PLD5: variants seen among roughly 807,000 people sequenced by gnomAD.
PLD5 encodes the protein inactive phospholipase D5.
In PLD5, 36 loss-of-function variants were observed where a neutral mutation model predicts 61.1. The observed-to-expected ratio is 0.59, with a 90% confidence interval of 0.45 to 0.78. The LOEUF is 0.78. Ranked by LOEUF, PLD5 falls within the 30% of genes least tolerant of loss-of-function variation. The pLI is 0.00. For missense variants in PLD5, 515 were observed against 644.4 expected (o/e 0.80, Z 2.17); for synonymous variants, 243 against 242.8 (o/e 1.00, Z -0.01).
intron 4 of PLD5, among the ~76,000 whole-genome samples, chr1:242,238,514 T>C (rs1198410852): frequency 6.6e-6 from 1 of 152,202 alleles, no homozygotes; most frequent in Non-Finnish European, 1.5e-5. Context: ...GGAGAGTCAT[T>C]CAAGACATGC....
intron 2 of PLD5, among the ~76,000 whole-genome samples, chr1:242,295,116 C>G (rs1395556134): frequency 2.6e-5 from 4 of 152,044 alleles, no homozygotes; most frequent in Non-Finnish European, 5.9e-5. Flanking sequence ...GGTTTTTTTA[C>G]CCTTACTGTG....
chr1:242,392,390 G>T (rs1662984239), intron 1 of PLD5, among the ~76,000 whole-genome samples: 2 of 152,146 alleles, frequency 1.3e-5, no homozygotes, highest in Non-Finnish European at 2.9e-5. Context: ...ACCTGCACAT[G>T]TTCACCCTGA....
chr1:242,381,082 T>C (rs1344747723), intron 1 of PLD5, among the ~76,000 whole-genome samples: 1 of 152,148 alleles, frequency 6.6e-6, no homozygotes, highest in Non-Finnish European at 1.5e-5. Flanking sequence ...CATTCTATTA[T>C]AAAGACACAT....
intron 4 of PLD5, among the ~76,000 whole-genome samples, chr1:242,247,944 C>G (rs1221046997): frequency 6.6e-6 from 1 of 152,180 alleles, no homozygotes; most frequent in Non-Finnish European, 1.5e-5. Context: ...AGCAGAATCT[C>G]TTCCCAACTG....
chr1:242,169,834 G>T (rs2148872660), intron 5 of PLD5, among the ~76,000 whole-genome samples: 1 of 152,298 alleles, frequency 6.6e-6, no homozygotes, highest in African/African-American at 2.4e-5. Context: ...GAACTGGGTG[G>T]AGCCCACCGC....
chr1:242,454,545 C>T (rs1193128789), intron 1 of PLD5, among the ~76,000 whole-genome samples: 1 of 152,066 alleles, frequency 6.6e-6, no homozygotes. Flanking sequence ...CCCAAGATTG[C>T]TAAGCATTTG....
chr1:242,215,794 G>A (rs1415556406), intron 5 of PLD5, among the ~76,000 whole-genome samples: 9 of 152,168 alleles, frequency 5.9e-5, no homozygotes, highest in Non-Finnish European at 1.3e-4. Flanking sequence ...CAAGTCAGAA[G>A]ACTGAGCGAA....
chr1:242,496,621 T>C (rs1382616061), intron 1 of PLD5, among the ~76,000 whole-genome samples: 1 of 152,210 alleles, frequency 6.6e-6, no homozygotes, highest in African/African-American at 2.4e-5. Context: ...TCATTTATAA[T>C]TCTCTTTCAT....
chr1:242,262,694 C>G (rs996555502), intron 4 of PLD5, among the ~76,000 whole-genome samples: 1 of 151,936 alleles, frequency 6.6e-6, no homozygotes, highest in Non-Finnish European at 1.5e-5. Flanking sequence ...TTAGATGTGG[C>G]GTACGAGAGC....
intron 2 of PLD5, among the ~76,000 whole-genome samples, chr1:242,314,255 A>T (rs1290911480): frequency 6.6e-6 from 1 of 152,200 alleles, no homozygotes; most frequent in African/African-American, 2.4e-5. Context: ...AACTGCATTA[A>T]TCAAGCTTAA....
rs1348160703 is a variant in PLD5, at chr1:242,419,572, A to T, written c.190-71330T>A. Among the ~76,000 whole-genome samples, 206 of 97,056 alleles carry T rather than the reference A, an allele frequency of 2.1e-3. 1 individual carries two copies. The highest frequency in any genetic ancestry group is 5.5e-3 in the Admixed American group (39 of 7,030). 63.7% of individuals were successfully genotyped at this position (97,056 alleles called of 152,430 possible). On this transcript the variant is annotated intron_variant, in intron 1 of 9. Coordinates refer to ENST00000536534, the MANE Select transcript of PLD5 (RefSeq NM_001372062.1). ...CACTACACCCGGCTAAATTTTTTGC[A>T]TTTTTTTTTTTTTTTTTTTTTTAGT... is the stretch of plus-strand genomic sequence containing the variant.
intron 1 of PLD5, among the ~76,000 whole-genome samples, chr1:242,492,436 C>T (rs112333717): frequency 1.4e-4 from 21 of 151,050 alleles, no homozygotes; most frequent in African/African-American, 4.1e-4. Flanking sequence ...GCAGGACAAT[C>T]GCTTGAGCCC....
chr1:242,132,589 G>T (rs1237183678), intron 5 of PLD5, among the ~76,000 whole-genome samples: 3 of 152,116 alleles, frequency 2.0e-5, no homozygotes, highest in Non-Finnish European at 4.4e-5. Context: ...GCTCTAAGTT[G>T]ATTTTGTTTC....
intron 5 of PLD5, among the ~76,000 whole-genome samples, chr1:242,187,642 A>G (rs566361519): frequency 3.3e-5 from 5 of 152,302 alleles, no homozygotes; most frequent in South Asian, 4.1e-4. Flanking sequence ...TAATTTTACC[A>G]TTCTATTGTT....
intron 4 of PLD5, among the ~76,000 whole-genome samples, chr1:242,253,115 C>CTTTTTTTTTTT (rs35097685): frequency 1.4e-5 from 1 of 73,198 alleles, no homozygotes; most frequent in African/African-American, 4.8e-5. Flanking sequence ...GTGTATGGCC[C>CTTTTTTTTTTT]TTTTTTTTTT....
At chr1:242,423,507 G>A (rs573526456) in intron 1 of PLD5, among the ~76,000 whole-genome samples, 3 of 152,198 alleles carry the variant, frequency 2.0e-5, no homozygotes, top group East Asian at 1.9e-4. Flanking sequence ...AATCATTTAC[G>A]CTATTTGGTC....
chr1:242,240,059 G>A (rs914407720), intron 4 of PLD5, among the ~76,000 whole-genome samples: 1 of 152,164 alleles, frequency 6.6e-6, no homozygotes, highest in Non-Finnish European at 1.5e-5. Context: ...CTACTTCACT[G>A]TTCTTAACTG....
upstream of PLD5, among the ~76,000 whole-genome samples, chr1:242,526,483 T>G (rs945279287): frequency 2.6e-5 from 4 of 152,244 alleles, no homozygotes; most frequent in African/African-American, 9.6e-5. Context: ...GTCACCAGGC[T>G]GGAGTGCAGT....
At chr1:242,235,347 A>G (rs892084248) in intron 4 of PLD5, 1 of 152,192 alleles carries the variant, frequency 6.6e-6, no homozygotes, top group Non-Finnish European at 1.5e-5. Context: ...TGGCCATTCA[A>G]TTAGGTGATA....
Sources: allele counts gnomAD v4.1 joint callset (sites outside exome capture counted in the v4.1 genomes callset), GRCh38; gene constraint gnomAD v4.1.1; transcripts MANE v1.5; gene names NCBI Gene and HGNC (gene_info 2026-07-23, HGNC 2026-07-21).